SEC23IP: variants seen among roughly 807,000 people sequenced by gnomAD.
SEC23IP encodes SEC23-interacting protein.
In SEC23IP, 70 loss-of-function variants were observed where a neutral mutation model predicts 113.4. The ratio of observed to expected loss-of-function variants is 0.62; its 90% CI spans 0.51 to 0.75. SEC23IP has a LOEUF of 0.75. Ranked by LOEUF, SEC23IP falls within the 30% of genes least tolerant of loss-of-function variation. The probability of loss-of-function intolerance (pLI) is 0.00; values close to 1 mark genes in which losing one functional copy is unlikely to be tolerated. For synonymous variants in SEC23IP, 398 were observed against 421.0 expected (o/e 0.95, Z 0.67); for missense variants, 1,160 against 1,204.9 (o/e 0.96, Z 0.55).
chr10:119,916,940 C>T (rs539617167), intron 8 of SEC23IP, among the ~76,000 whole-genome samples: 3 of 152,222 alleles, frequency 2.0e-5, no homozygotes, highest in Non-Finnish European at 4.4e-5. Context: ...ATGATCATGG[C>T]TCACTGTAGA....
chr10:119,918,255 T>C, intron 9 of SEC23IP, 138 bp from the exon 10 acceptor site: 1 of 680,048 alleles, frequency 1.5e-6, no homozygotes, highest in South Asian at 1.9e-5. Flanking sequence ...TTTATTCTGC[T>C]GTTTGATAAA....
intron 11 of SEC23IP, 40 bp from the exon 12 acceptor site, chr10:119,920,849 C>A: frequency 7.6e-7 from 1 of 1,309,978 alleles, no homozygotes; most frequent in South Asian, 1.3e-5. Context: ...GTTCTTCTAT[C>A]ACTAGATTGA....
At position 119,898,473 on chromosome 10, in the gene SEC23IP, T is replaced by A; in HGVS notation, c.210T>A (p.Thr70=). The change falls in exon 2 of 19, where the codon ACT becomes ACA. Residue 70 remains threonine (T), a synonymous_variant. Transcript: ENST00000369075. ...VGEEDSFLGQ[T]SIHTSAPQTF... Reference sequence around the variant, plus strand: ...AGGAGGACAGCTTCCTTGGTCAGACTTCTATTCACACATCTGCCCCACAGA... The same window carrying A: ...AGGAGGACAGCTTCCTTGGTCAGACATCTATTCACACATCTGCCCCACAGA... 1 of 1,614,072 alleles carries A rather than the reference T, an allele frequency of 6.2e-7. No individual in the cohort carries two copies. The highest frequency in any genetic ancestry group is 8.5e-7 in the Non-Finnish European group (1 of 1,179,974).
chr10:119,936,538 C>T (rs947610228), intron 18 of SEC23IP, among the ~76,000 whole-genome samples: 20 of 113,178 alleles, frequency 1.8e-4, no homozygotes, highest in African/African-American at 4.7e-4. Flanking sequence ...CATGCGATTC[C>T]GTCTCAAAAA....
chr10:119,915,161 A>C (rs1309649859), intron 7 of SEC23IP, among the ~76,000 whole-genome samples: 1 of 152,222 alleles, frequency 6.6e-6, no homozygotes, highest in Non-Finnish European at 1.5e-5. Context: ...GGAAACATGA[A>C]TCTGCCTGGT....
chr10:119,911,482 T>C (rs1160164280), intron 5 of SEC23IP, among the ~76,000 whole-genome samples: 1 of 151,986 alleles, frequency 6.6e-6, no homozygotes, highest in Non-Finnish European at 1.5e-5. Flanking sequence ...TATTTTTGTT[T>C]AGTTTTTTTT....
In SEC23IP at chr10:119,917,836, G is replaced by T; in HGVS notation, c.1545G>T (p.Arg515Ser). 6.2e-7 allele frequency: 1 copy of T among 1,611,430 alleles called. No individual in the cohort carries two copies. The highest frequency in any genetic ancestry group is 8.5e-7 in the Non-Finnish European group (1 of 1,178,004). Residue 515 changes from arginine (R) to serine (S), a missense_variant and splice_region_variant, in exon 9 of 19, where the codon AGG becomes AGT. By Grantham distance (110) the Arg-to-Ser change is moderately radical. Transcript: ENST00000369075. ...SLGGDATGVD[R>S]NIKKITLPSI... ...GTGCTGTATTTTTCTTTTTAAACAG[G>T]AATATTAAGAAAATCACTTTGCCAA...
intron 9 of SEC23IP, 60 bp downstream of exon 9, chr10:119,918,104 A>G: frequency 7.5e-7 from 1 of 1,330,330 alleles, no homozygotes; most frequent in South Asian, 1.2e-5. Context: ...AACTGCTTTC[A>G]GTGTAGGTGA....
At chr10:119,917,693 TATA>T (rs1855098219) in intron 8 of SEC23IP, 140 bp from the exon 9 acceptor site, 1 of 630,660 alleles carries the variant, frequency 1.6e-6, no homozygotes, top group African/African-American at 1.8e-5. Flanking sequence ...TTGATTTATT[TATA>T]ATGACTATCT....
At chr10:119,895,148 C>G (rs1276373717) in intron 1 of SEC23IP, among the ~76,000 whole-genome samples, 1 of 152,148 alleles carries the variant, frequency 6.6e-6, no homozygotes, top group Non-Finnish European at 1.5e-5. Context: ...CTTTGTGGGG[C>G]TGAGGCGGGT....
In SEC23IP at chr10:119,919,504, G is replaced by T; in HGVS notation, c.1933G>T (p.Glu645Ter). The T allele has an allele frequency of 6.2e-7, 1 of 1,613,364 alleles. No homozygotes were observed. Among genetic ancestry groups the T allele is most frequent in the Non-Finnish European group, 8.5e-7 (1 of 1,179,692 alleles). ...ESYDLVVENK[E>*]VLTLQETLEA... ...GTATGACCTTGTTGTTGAAAATAAAGAAGTCCTAACTTTGCAAGAAACTCT... is the reference window on the plus strand; with the variant it reads ...GTATGACCTTGTTGTTGAAAATAAATAAGTCCTAACTTTGCAAGAAACTCT... Residue 645 changes from glutamate (E) to a stop codon, truncating the protein, a stop_gained, in exon 11 of 19, where the codon GAA becomes TAA. Coordinates refer to ENST00000369075, the MANE Select transcript of SEC23IP (RefSeq NM_007190.4). LOFTEE classifies it high-confidence loss of function.
chr10:119,904,053 AG>A, intron 3 of SEC23IP, 30 bp from the exon 4 acceptor site: 1 of 1,606,410 alleles, frequency 6.2e-7, no homozygotes, highest in Non-Finnish European at 8.5e-7. Context: ...GCCTTGCAGC[AG>A]TTAGGAAAAG....
chr10:119,912,128 C>T lies in SEC23IP; in HGVS notation c.1276C>T (p.Arg426Cys). ...ACAGACAAGGCCCAGGGTTGTAAAG[C>T]GTGGAATTGATGATAACCTTGATGA... Reference protein sequence around the residue: ...DGQTRPRVVKRGIDDNLDEIP... With the variant: ...DGQTRPRVVKCGIDDNLDEIP... The change falls in exon 6 of 19, where the codon CGT becomes TGT. Residue 426 changes from arginine (R) to cysteine (C), a missense_variant. Transcript: ENST00000369075. 7 of 1,614,030 alleles carry T rather than the reference C, an allele frequency of 4.3e-6. No individual in the cohort carries two copies. The highest frequency in any genetic ancestry group is 4.2e-6 in the Non-Finnish European group (5 of 1,179,962).
In SEC23IP at chr10:119,909,112, T is replaced by A. The variant is rs1462192736; in HGVS notation, c.1173T>A (p.Ile391=). Residue 391 remains isoleucine, a synonymous_variant, in exon 5 of 19, where the codon ATT becomes ATA. Transcript: ENST00000369075. ...TAGAGTTTCCAAGTGGAGAGACAATTGTTATGCACAATCCAAAGGTAATGA... is the reference window on the plus strand; with the variant it reads ...TAGAGTTTCCAAGTGGAGAGACAATAGTTATGCACAATCCAAAGGTAATGA... The part of the protein sequence containing the change: ...RRLEFPSGET[I]VMHNPKVIVQ... The A allele has an allele frequency of 6.2e-7, 1 of 1,610,644 alleles. No homozygotes were observed. The highest frequency in any genetic ancestry group is 8.5e-7 in the Non-Finnish European group (1 of 1,177,844).
chr10:119,910,803 T>G (rs866209172), intron 5 of SEC23IP, among the ~76,000 whole-genome samples: 1 of 152,060 alleles, frequency 6.6e-6, no homozygotes, highest in African/African-American at 2.4e-5. Context: ...TGCCTCAGCC[T>G]CCCGAGTAGC....
intron 4 of SEC23IP, chr10:119,904,765 A>T (rs2134463873): frequency 6.5e-6 from 1 of 153,428 alleles, no homozygotes; most frequent in Non-Finnish European, 1.5e-5. Flanking sequence ...TCTACTTAAG[A>T]GTTGAATGTT....
chr10:119,928,487 G>C (rs538753163), intron 13 of SEC23IP, among the ~76,000 whole-genome samples: 1 of 152,296 alleles, frequency 6.6e-6, no homozygotes, highest in East Asian at 1.9e-4. Context: ...AAGAGAATTG[G>C]ATTTGGAATT....
intron 4 of SEC23IP, 52 bp downstream of exon 4, chr10:119,904,329 A>G: frequency 2.0e-6 from 3 of 1,466,514 alleles, no homozygotes; most frequent in Admixed American, 1.7e-5. Context: ...TAGGTCCTAT[A>G]TACATTGGTG....
intron 16 of SEC23IP, 74 bp from the exon 17 acceptor site, chr10:119,932,931 C>G (rs1855654275): frequency 7.4e-7 from 1 of 1,344,776 alleles, no homozygotes; most frequent in Non-Finnish European, 1.0e-6. Flanking sequence ...TCTCATTGAG[C>G]CCAGAAAGTC....
Sources: allele counts gnomAD v4.1 joint callset (sites outside exome capture counted in the v4.1 genomes callset), GRCh38; gene constraint gnomAD v4.1.1; transcripts MANE v1.5; gene names NCBI Gene and HGNC (gene_info 2026-07-23, HGNC 2026-07-21).